CDH18: variants seen among roughly 807,000 people sequenced by gnomAD.
The protein encoded by CDH18 is cadherin 18, also known as cadherin-18.
Under a neutral mutation model 67.9 loss-of-function variants are expected in CDH18, and 31 were observed. The ratio of observed to expected loss-of-function variants is 0.46; its 90% CI spans 0.34 to 0.62. The LOEUF (loss-of-function observed/expected upper bound fraction) is 0.62. Among genes scored for constraint, CDH18 ranks in the 20% least tolerant of loss-of-function variants. The pLI is 0.01. For synonymous variants in CDH18, 362 were observed against 347.2 expected, an observed-to-expected ratio of 1.04 and a Z score of -0.48; for missense variants, 890 against 975.5, an observed-to-expected ratio of 0.91 and a Z score of 1.17.
intron 2 of CDH18, among the ~76,000 whole-genome samples, chr5:20,044,649 T>C (rs970196861): frequency 6.6e-6 from 1 of 152,110 alleles, no homozygotes; most frequent in African/African-American, 2.4e-5. Flanking sequence ...CCCTCATAGA[T>C]GAATCAGGAA....
At chr5:19,811,632 A>C (rs1012758478) in intron 3 of CDH18, among the ~76,000 whole-genome samples, 1 of 152,192 alleles carries the variant, frequency 6.6e-6, no homozygotes, top group African/African-American at 2.4e-5. Flanking sequence ...AAAAGAAAAA[A>C]ATTATCTGAG....
chr5:20,060,722 T>C (rs1742396068), intron 2 of CDH18, among the ~76,000 whole-genome samples: 1 of 152,162 alleles, frequency 6.6e-6, no homozygotes, highest in Admixed American at 6.5e-5. Flanking sequence ...CAAATAAAAA[T>C]ACAGTATTCT....
intron 2 of CDH18, among the ~76,000 whole-genome samples, chr5:19,921,871 T>C (rs1172582874): frequency 6.6e-6 from 1 of 152,022 alleles, no homozygotes; most frequent in African/African-American, 2.4e-5. Flanking sequence ...ACAATAAATA[T>C]CACTAGATAC....
chr5:20,401,033 T>C (rs373420580), intron 1 of CDH18, among the ~76,000 whole-genome samples: 1 of 152,216 alleles, frequency 6.6e-6, no homozygotes, highest in Non-Finnish European at 1.5e-5. Flanking sequence ...AGAAATGCTA[T>C]GGTAAAATTC....
At chr5:19,861,100 A>G (rs2149979513) in intron 2 of CDH18, among the ~76,000 whole-genome samples, 1 of 152,292 alleles carries the variant, frequency 6.6e-6, no homozygotes, top group Admixed American at 6.5e-5. Flanking sequence ...AACGTTATTA[A>G]GTGTTCCCAT....
intron 4 of CDH18, among the ~76,000 whole-genome samples, chr5:19,741,444 T>C (rs1769204588): frequency 6.6e-6 from 1 of 151,966 alleles, no homozygotes; most frequent in South Asian, 2.1e-4. Flanking sequence ...ACACAATTTT[T>C]TTTTTAATGA....
chr5:20,078,084 T>C (rs962031036), intron 2 of CDH18, among the ~76,000 whole-genome samples: 7 of 152,210 alleles, frequency 4.6e-5, no homozygotes, highest in African/African-American at 1.7e-4. Context: ...TGAGGCATAA[T>C]ACTTAAAAGT....
intron 8 of CDH18, among the ~76,000 whole-genome samples, chr5:19,560,933 A>T (rs1580215065): frequency 1.3e-5 from 2 of 152,210 alleles, no homozygotes; most frequent in East Asian, 3.8e-4. Flanking sequence ...ATTATCAGGG[A>T]ACTGCAAATC....
intron 2 of CDH18, among the ~76,000 whole-genome samples, chr5:20,236,084 G>T (rs1363692891): frequency 6.6e-6 from 1 of 152,052 alleles, no homozygotes; most frequent in Non-Finnish European, 1.5e-5. Flanking sequence ...CATACAAGAG[G>T]TGAGGAGGGT....
At chr5:19,651,325 T>C (rs966628923) in intron 5 of CDH18, among the ~76,000 whole-genome samples, 4 of 152,054 alleles carry the variant, frequency 2.6e-5, no homozygotes, top group African/African-American at 7.2e-5. Context: ...AAAAAATCTC[T>C]GGATTTAAAA....
At chr5:20,435,738 C>A (rs143192562) in intron 1 of CDH18, among the ~76,000 whole-genome samples, 2,006 of 151,838 alleles carry the variant, frequency 0.013, 13 homozygotes, top group Non-Finnish European at 0.02. Flanking sequence ...GAGTGTAAGT[C>A]CAGAAAAGAA....
chr5:19,842,319 A>T (rs1782416786), intron 2 of CDH18, among the ~76,000 whole-genome samples: 1 of 152,058 alleles, frequency 6.6e-6, no homozygotes, highest in African/African-American at 2.4e-5. Context: ...CCATTTTGGG[A>T]AAGGGACCTC....
intron 2 of CDH18, among the ~76,000 whole-genome samples, chr5:20,150,266 G>A (rs767018448): frequency 1.3e-5 from 2 of 151,994 alleles, no homozygotes; most frequent in African/African-American, 4.8e-5. Context: ...TTACCTGAAA[G>A]TCTGCATCAT....
At chr5:19,534,731 A>G (rs951654386) in intron 9 of CDH18, among the ~76,000 whole-genome samples, 3 of 152,200 alleles carry the variant, frequency 2.0e-5, no homozygotes, top group South Asian at 2.1e-4. Context: ...ATATCCTTGT[A>G]TAATGGCTTT....
chr5:19,516,649 G>C (rs1230307823), intron 10 of CDH18, among the ~76,000 whole-genome samples: 1 of 152,096 alleles, frequency 6.6e-6, no homozygotes, highest in African/African-American at 2.4e-5. Flanking sequence ...GGTGTTTATA[G>C]TATTCTCTGA....
chr5:19,601,764 A>AT (rs954766312), intron 6 of CDH18, among the ~76,000 whole-genome samples: 16 of 151,924 alleles, frequency 1.1e-4, no homozygotes, highest in African/African-American at 1.9e-4. Context: ...AGCAATTGGG[A>AT]TTTTTTTTCC....
intron 10 of CDH18, among the ~76,000 whole-genome samples, chr5:19,506,910 T>A (rs1744273041): frequency 6.6e-6 from 1 of 152,180 alleles, no homozygotes; most frequent in African/African-American, 2.4e-5. Context: ...AAATGGGATC[T>A]AATTAAACTA....
At chr5:20,399,216 A>G (rs1745554470) in intron 1 of CDH18, among the ~76,000 whole-genome samples, 1 of 152,216 alleles carries the variant, frequency 6.6e-6, no homozygotes, top group South Asian at 2.1e-4. Flanking sequence ...AGTGAATGGT[A>G]AAGTGTTTCT....
At chr5:20,330,705 C>T (rs1739088681) in intron 1 of CDH18, among the ~76,000 whole-genome samples, 1 of 152,142 alleles carries the variant, frequency 6.6e-6, no homozygotes, top group African/African-American at 2.4e-5. Flanking sequence ...ATGCGGACAG[C>T]CCACACCAAG....
Sources: allele counts gnomAD v4.1 joint callset (sites outside exome capture counted in the v4.1 genomes callset), GRCh38; gene constraint gnomAD v4.1.1; transcripts MANE v1.5; gene names NCBI Gene and HGNC (gene_info 2026-07-23, HGNC 2026-07-21).